The following ZC3H12B variants were observed in gnomAD, a reference collection of about 807,000 sequenced individuals.
The protein encoded by ZC3H12B is probable ribonuclease ZC3H12B.
Under a neutral mutation model 43.9 loss-of-function variants are expected in ZC3H12B, and 7 were observed. The ratio of observed to expected loss-of-function variants is 0.16; its 90% CI spans 0.09 to 0.30. The LOEUF (loss-of-function observed/expected upper bound fraction) is 0.30, where lower values mean the gene tolerates loss of function less well. Among genes scored for constraint, ZC3H12B ranks in the 10% least tolerant of loss-of-function variants. The pLI is 1.00. For missense variants in ZC3H12B, 475 were observed against 670.2 expected (o/e 0.71, Z 3.22); for synonymous variants, 222 against 241.7 (o/e 0.92, Z 0.76).
the ZC3H12B span, among the ~76,000 whole-genome samples, chrX:65,058,594 C>G: frequency 8.9e-6 from 1 of 112,086 alleles, no homozygotes; most frequent in East Asian, 2.8e-4. Context: ...CCACTACTGT[C>G]TTCCAAGCTG....
chrX:65,217,338 C>T, the ZC3H12B span, among the ~76,000 whole-genome samples: 8 of 111,580 alleles, frequency 7.2e-5, no homozygotes, highest in Admixed American at 5.7e-4. Context: ...TCAAGAAGTA[C>T]GGCTACAAAG....
At chrX:65,152,001 T>C in the ZC3H12B span, among the ~76,000 whole-genome samples, 1 of 111,941 alleles carries the variant, frequency 8.9e-6, no homozygotes, top group Admixed American at 9.5e-5. Context: ...TCTCAATAGA[T>C]ACAGAAAAGG....
chrX:65,415,023 G>A (rs928006661), intron 3 of ZC3H12B, among the ~76,000 whole-genome samples: 3 of 112,354 alleles, frequency 2.7e-5, no homozygotes, highest in African/African-American at 6.5e-5. Context: ...TACATTTTGG[G>A]AAGGCATAAG....
chrX:65,452,121 C>T (rs2067523462), intron 3 of ZC3H12B, among the ~76,000 whole-genome samples: 1 of 111,438 alleles, frequency 9.0e-6, no homozygotes, highest in Non-Finnish European at 1.9e-5. Flanking sequence ...AGAACTGGAA[C>T]ATGACAAGGT....
At chrX:65,360,428 T>A in the ZC3H12B span, among the ~76,000 whole-genome samples, 3 of 112,171 alleles carry the variant, frequency 2.7e-5, no homozygotes, top group East Asian at 8.3e-4. Flanking sequence ...GAGATAGCAA[T>A]AGCAAATAAA....
At chrX:65,094,828 G>T in the ZC3H12B span, among the ~76,000 whole-genome samples, 2 of 112,364 alleles carry the variant, frequency 1.8e-5, no homozygotes, top group South Asian at 7.4e-4. Context: ...CATGTCTGCA[G>T]CATGAAGACA....
the ZC3H12B span, among the ~76,000 whole-genome samples, chrX:65,162,157 C>T: frequency 9.0e-6 from 1 of 111,333 alleles, no homozygotes; most frequent in South Asian, 3.8e-4. Flanking sequence ...GATGGGCTTC[C>T]CTTTGTGGGT....
chrX:65,322,854 C>T, the ZC3H12B span, among the ~76,000 whole-genome samples: 34 of 111,370 alleles, frequency 3.1e-4, 1 homozygote, highest in Admixed American at 9.6e-5. Context: ...AATATTAATT[C>T]TTCCAATCCA....
chrX:65,067,849 C>G, the ZC3H12B span, among the ~76,000 whole-genome samples: 1 of 110,444 alleles, frequency 9.1e-6, no homozygotes, highest in Non-Finnish European at 1.9e-5. Flanking sequence ...GAAGTTTATT[C>G]TCTTTTTTGA....
the ZC3H12B span, among the ~76,000 whole-genome samples, chrX:65,340,913 A>C: frequency 5.3e-5 from 6 of 112,309 alleles, no homozygotes; most frequent in African/African-American, 1.6e-4. Flanking sequence ...AAGATCATTG[A>C]GATGCAGAAT....
intron 3 of ZC3H12B, among the ~76,000 whole-genome samples, chrX:65,459,546 G>C (rs1447515030): frequency 2.7e-5 from 3 of 111,710 alleles, no homozygotes; most frequent in African/African-American, 6.5e-5. Flanking sequence ...TGCAAGGCTG[G>C]TTCAACATAT....
chrX:65,326,299 G>C, the ZC3H12B span, among the ~76,000 whole-genome samples: 11 of 111,498 alleles, frequency 9.9e-5, no homozygotes, highest in Non-Finnish European at 1.7e-4. Context: ...AATCTATAAA[G>C]AACCCAATGA....
chrX:65,247,694 A>C, the ZC3H12B span, among the ~76,000 whole-genome samples: 3 of 112,141 alleles, frequency 2.7e-5, no homozygotes, highest in East Asian at 8.4e-4. Context: ...TTATGAGAAC[A>C]CATGGTTGGG....
chrX:65,414,721 C>T (rs935443509), intron 3 of ZC3H12B, among the ~76,000 whole-genome samples: 1 of 111,306 alleles, frequency 9.0e-6, no homozygotes, highest in African/African-American at 3.3e-5. Flanking sequence ...TCTCTACCTT[C>T]GCTTCTTTTT....
intron 3 of ZC3H12B, among the ~76,000 whole-genome samples, chrX:65,456,343 C>A (rs2067609649): frequency 9.3e-6 from 1 of 107,106 alleles, no homozygotes; most frequent in South Asian, 4.2e-4. Context: ...TCTGATAAAA[C>A]AGACTTTAAA....
At chrX:65,203,444 T>C in the ZC3H12B span, among the ~76,000 whole-genome samples, 1 of 110,750 alleles carries the variant, frequency 9.0e-6, no homozygotes, top group Non-Finnish European at 1.9e-5. Flanking sequence ...AGTCAGCAGG[T>C]AATGAATTCT....
the ZC3H12B span, among the ~76,000 whole-genome samples, chrX:65,190,553 T>C: frequency 9.4e-6 from 1 of 106,371 alleles, no homozygotes; most frequent in Non-Finnish European, 1.9e-5. Context: ...TTATTCTCTT[T>C]GAAGCAATTG....
chrX:65,230,566 T>C, the ZC3H12B span, among the ~76,000 whole-genome samples: 1 of 93,685 alleles, frequency 1.1e-5, no homozygotes, highest in Non-Finnish European at 2.1e-5. Flanking sequence ...AAATCACCAG[T>C]AAAGGACTTA....
the ZC3H12B span, among the ~76,000 whole-genome samples, chrX:65,161,349 G>T: frequency 7.2e-5 from 8 of 111,401 alleles, no homozygotes; most frequent in Non-Finnish European, 1.3e-4. Flanking sequence ...TCTGTCTGTT[G>T]TTGACAGTGG....
Sources: gnomAD v4.1 joint callset for allele counts (sites outside exome capture counted in the v4.1 genomes callset) on GRCh38, gnomAD v4.1.1 for gene constraint, MANE v1.5 for transcripts, NCBI Gene and HGNC (gene_info 2026-07-23, HGNC 2026-07-21) for gene names.